Variants in BRF1 observed in about 807,000 individuals in gnomAD.
The protein encoded by BRF1 is transcription factor IIIB 90 kDa subunit.
A neutral mutation model predicts 81.7 loss-of-function variants in BRF1; 59 were observed. The observed-to-expected ratio is 0.72, with a 90% CI of 0.59 to 0.90. BRF1 has a LOEUF of 0.90. Among genes scored for constraint, BRF1 ranks in the 40% least tolerant of loss-of-function variants. The pLI, the probability that BRF1 is intolerant of heterozygous loss-of-function variation, is 0.00. For synonymous variants in BRF1, 491 were observed against 395.6 expected (o/e 1.24, Z -2.86); for missense variants, 1,050 against 936.3 (o/e 1.12, Z -1.58).
chr14:105,246,232 C>A (rs2055095811), intron 5 of BRF1, among the ~76,000 whole-genome samples: 1 of 151,504 alleles, frequency 6.6e-6, no homozygotes, highest in Admixed American at 6.6e-5. Context: ...AAAAAAAAGG[C>A]AAAGCCCTTG....
intron 5 of BRF1, among the ~76,000 whole-genome samples, chr14:105,246,556 G>A (rs1244451553): frequency 3.3e-5 from 5 of 152,030 alleles, no homozygotes; most frequent in East Asian, 1.9e-4. Flanking sequence ...TGCAACCTCC[G>A]CCTCCCTGGT....
chr14:105,216,511 A>C (rs1891335790), intron 15 of BRF1, among the ~76,000 whole-genome samples: 1 of 150,640 alleles, frequency 6.6e-6, no homozygotes. Context: ...GGCCCTCCTG[A>C]GGGGCTGAGA....
Position 105,300,566 on chromosome 14 carries a change from C to T in BRF1, c.64G>A (p.Asp22Asn). 6.7e-7 allele frequency: 1 copy of T among 1,494,840 alleles called. No homozygotes were observed. Among genetic ancestry groups the T allele is most frequent in the Non-Finnish European group, 8.9e-7 (1 of 1,125,884 alleles). The allele number at this position is 1,494,840 out of a possible 1,614,324, so 92.6% of individuals were successfully genotyped here. ...TDIELDAARG[D>N]AVCTACGSVL... ...GAGCCGCAGGCGGTGCACACCGCGT[C>T]CCCGCGCGCCGCGTCCAGCTCGATG... Residue 22 changes from aspartate to asparagine, a missense_variant, in exon 1 of 18, where the codon GAC (aspartate) becomes AAC (asparagine). Around this residue, in one of 2 missense-constraint regions of BRF1, gnomAD observed 1,043 missense variants for 915.4 expected, o/e 1.14. Transcript: ENST00000547530.
At chr14:105,249,232 G>A (rs1333018026) in intron 5 of BRF1, 2 of 1,583,836 alleles carry the variant, frequency 1.3e-6, no homozygotes, top group Admixed American at 1.7e-5. Context: ...CGACCAGGAC[G>A]GTGCCCGCCC....
At chr14:105,243,868 C>T (rs1461868031) in intron 5 of BRF1, among the ~76,000 whole-genome samples, 13 of 151,690 alleles carry the variant, frequency 8.6e-5, no homozygotes, top group South Asian at 2.1e-4. Flanking sequence ...TGGTGGTGTG[C>T]GCCTGTAGTC....
chr14:105,219,330 G>C (rs764431856), intron 12 of BRF1, 98 bp from the exon 13 acceptor site: 2 of 1,569,668 alleles, frequency 1.3e-6, no homozygotes, highest in Admixed American at 1.8e-5. Flanking sequence ...CACCGTTAGA[G>C]GAAGGGGAAC....
chr14:105,246,779 T>C, intron 5 of BRF1: 1 of 981,754 alleles, frequency 1.0e-6, no homozygotes, highest in Non-Finnish European at 1.2e-6. Context: ...TATTTAAAAA[T>C]CAAAGTGCAA....
chr14:105,217,840 C>T (rs1179366585), intron 14 of BRF1, 40 bp from the exon 15 acceptor site: 1 of 1,597,720 alleles, frequency 6.3e-7, no homozygotes, highest in Admixed American at 1.7e-5. Context: ...GTGAGTCACG[C>T]CCACTGCACT....
chr14:105,211,641 C>G, intron 16 of BRF1: 1 of 371,678 alleles, frequency 2.7e-6, no homozygotes. Context: ...TTGGCCTGCC[C>G]TGACCCCCAG....
intron 14 of BRF1, 24 bp from the exon 15 acceptor site, chr14:105,217,824 C>G: frequency 6.2e-7 from 1 of 1,605,294 alleles, no homozygotes; most frequent in East Asian, 2.2e-5. Context: ...AGCAAGAATG[C>G]CTCCCGTGAG....
chr14:105,301,248 C>T (rs1201528249), upstream of BRF1: 3 of 148,692 alleles, frequency 2.0e-5, no homozygotes, highest in Non-Finnish European at 4.4e-5. Flanking sequence ...GGGTCCTCCT[C>T]GGATAGTGAG....
At position 105,211,148 on chromosome 14, in the gene BRF1, C is replaced by A. The variant is rs1260960883; in HGVS notation, c.1970G>T (p.Ser657Ile). Residue 657 changes from serine to isoleucine, a missense_variant, in exon 17 of 18, where the codon AGT becomes ATT. Transcript: ENST00000547530. ...PDEEDGEPCV[S>I]ALQMMGSNDY... ...GTTGCTGCCCATCATCTGCAGGGCACTGACGCAGGGCTCCCCGTCCTCCTC... is the reference window on the plus strand; with the variant it reads ...GTTGCTGCCCATCATCTGCAGGGCAATGACGCAGGGCTCCCCGTCCTCCTC... 8.1e-6 allele frequency: 13 copies of A among 1,612,580 alleles called. No homozygotes were observed. Among genetic ancestry groups the A allele is most frequent in the Non-Finnish European group, 1.0e-5 (12 of 1,179,940 alleles).
chr14:105,226,755 G>A lies in BRF1; in HGVS notation c.794C>T (p.Thr265Met), dbSNP rs1397499816. The A allele has an allele frequency of 2.5e-6, 4 of 1,613,522 alleles. No individual in the cohort carries two copies. The highest frequency in any genetic ancestry group is 3.4e-6 in the Non-Finnish European group (4 of 1,179,998). The change falls in exon 8 of 18, where the codon ACG (threonine) becomes ATG (methionine). Residue 265 changes from threonine to methionine, a missense_variant. Physicochemically the swap from Thr to Met is moderately conservative, Grantham distance 81. This residue lies in a region of BRF1 where 1,043 missense variants were observed against 915.4 expected (regional missense o/e 1.14). Coordinates refer to ENST00000547530, the MANE Select transcript of BRF1 (RefSeq NM_001519.4). ...ACTGGTGGGGGTGTCTTCAAATTCC[G>A]TGAGCCTAAAATGGAGCCAGACATG... ...VCESTLRKRL[T>M]EFEDTPTSQL...
intron 5 of BRF1, chr14:105,242,137 C>T (rs1241286393): frequency 1.3e-5 from 2 of 152,452 alleles, no homozygotes; most frequent in Non-Finnish European, 2.9e-5. Context: ...CGACGCAGCC[C>T]CCCTTTCCAG....
chr14:105,248,612 CTGGCCGGGCT>C (rs2055326387), intron 5 of BRF1: 1 of 975,024 alleles, frequency 1.0e-6, no homozygotes, highest in Non-Finnish European at 1.2e-6. Flanking sequence ...GCGGCCGGGC[CTGGCCGGGCT>C]GCGCTAGGCT....
chr14:105,304,684 C>T (rs193031545), upstream of BRF1, among the ~76,000 whole-genome samples: 2 of 152,290 alleles, frequency 1.3e-5, no homozygotes, highest in East Asian at 3.9e-4. Flanking sequence ...GGGCGATTAA[C>T]AAACAAAAGA....
At chr14:105,280,130 G>A (rs113695626) in intron 2 of BRF1, among the ~76,000 whole-genome samples, 2 of 152,344 alleles carry the variant, frequency 1.3e-5, no homozygotes, top group Non-Finnish European at 2.9e-5. Flanking sequence ...AATCGCCCAA[G>A]CCCAGATTCC....
chr14:105,315,138 G>C lies in BRF1; in HGVS notation c.-162+184C>G. 1 of 733,282 alleles carries C rather than the reference G, an allele frequency of 1.4e-6. No homozygotes were observed. The highest frequency in any genetic ancestry group is 1.7e-6 in the Non-Finnish European group (1 of 591,048). 45.4% of individuals were successfully genotyped at this position (733,282 alleles called of 1,614,324 possible). On this transcript the variant is annotated intron_variant, in intron 1 of 17. Coordinates refer to the BRF1 transcript ENST00000327359. The surrounding 1 kb of genome is among the most constrained non-coding windows in gnomAD (Gnocchi z 4.4). The stretch of plus-strand genomic sequence containing the variant: ...CATCCCCGGCCCGGGTCCCCCAGCG[G>C]AGCCCAGGTCGCCCCCCGCGCCCCC...
intron 5 of BRF1, chr14:105,248,588 G>GGCGGGCGGGCGT: frequency 3.3e-6 from 2 of 601,760 alleles, no homozygotes; most frequent in Non-Finnish European, 4.1e-6. Flanking sequence ...CGGGCGGGCG[G>GGCGGGCGGGCGT]GACGGCGCCC....
Sources: allele counts gnomAD v4.1 joint callset (sites outside exome capture counted in the v4.1 genomes callset), GRCh38; gene constraint gnomAD v4.1.1; regional missense constraint gnomAD v4.1.1; non-coding constraint Gnocchi (gnomAD v3.1); transcripts MANE v1.5; gene names NCBI Gene and HGNC (gene_info 2026-07-23, HGNC 2026-07-21).